The following ADAM23 variants were observed in gnomAD, a reference collection of about 807,000 sequenced individuals.
ADAM23 encodes disintegrin and metalloproteinase domain-containing protein 23.
A neutral mutation model predicts 120.1 loss-of-function variants in ADAM23; 33 were observed. The observed-to-expected ratio is 0.27, with a 90% CI of 0.21 to 0.37. ADAM23 has a LOEUF of 0.37. ADAM23 is among the 10% of genes least tolerant of loss of function. ADAM23 has a pLI of 1.00. For missense variants in ADAM23, 862 were observed against 1,058.2 expected (o/e 0.81, Z 2.57); for synonymous variants, 367 against 375.2 (o/e 0.98, Z 0.25).
At chr2:206,482,177 T>A (rs1386718720) in intron 3 of ADAM23, among the ~76,000 whole-genome samples, 1 of 152,218 alleles carries the variant, frequency 6.6e-6, no homozygotes, top group Non-Finnish European at 1.5e-5. Context: ...TATGCCAAAT[T>A]CTGTGAGCTC....
intron 3 of ADAM23, among the ~76,000 whole-genome samples, chr2:206,520,947 AG>A (rs2105790052): frequency 6.6e-6 from 1 of 151,090 alleles, no homozygotes; most frequent in East Asian, 1.9e-4. Flanking sequence ...TTCCCTGAAT[AG>A]GCCTCTTTGC....
Position 206,445,364 on chromosome 2 carries a change from A to G in ADAM23, c.272A>G (p.Asn91Ser), listed in dbSNP as rs1477028629. The G allele has an allele frequency of 1.9e-6, 3 of 1,614,062 alleles. No homozygotes were observed. Among genetic ancestry groups the G allele is most frequent in the Admixed American group, 1.7e-5 (1 of 60,000 alleles). Residue 91 changes from asparagine (N) to serine (S), a missense_variant, in exon 2 of 26, where the codon AAT (asparagine) becomes AGT (serine). By Grantham distance (46) the Asn-to-Ser change is conservative. Around this residue, in one of 4 missense-constraint regions of ADAM23, gnomAD observed 225 missense variants for 204.0 expected, o/e 1.10. Coordinates refer to ENST00000264377, the MANE Select transcript of ADAM23 (RefSeq NM_003812.4). ...KNLGVLADED[N>S]TLQQNSSSNI... is the part of the protein sequence containing the mutation. Reference sequence around the variant, plus strand: ...TTGGGAGTCCTGGCAGATGAAGACAATACATTGCAACAGAATAGCAGCAGT... The same window carrying G: ...TTGGGAGTCCTGGCAGATGAAGACAGTACATTGCAACAGAATAGCAGCAGT...
chr2:206,513,971 T>A (rs1037837192), intron 3 of ADAM23, among the ~76,000 whole-genome samples: 1 of 152,190 alleles, frequency 6.6e-6, no homozygotes, highest in African/African-American at 2.4e-5. Flanking sequence ...TGTTGAGACC[T>A]ATGGCACAGG....
rs189850084 is a variant in ADAM23 at position 206,488,845 on chromosome 2, G to C, written c.509+7537G>C. Among the ~76,000 whole-genome samples the C allele has an allele frequency of 3.2e-3, 484 of 152,268 alleles. 5 individuals are homozygous for C. The highest frequency in any genetic ancestry group is 0.011 in the African/African-American group (462 of 41,542). Reference sequence around the variant, plus strand: ...GAGAAAGACGCAGACTCCACAGGAAGTGGCAGGCAGAGGTGTGGAAGCCCA... The same window carrying C: ...GAGAAAGACGCAGACTCCACAGGAACTGGCAGGCAGAGGTGTGGAAGCCCA... On this transcript the variant is annotated intron_variant, in intron 3 of 25. Coordinates refer to ENST00000264377, the MANE Select transcript of ADAM23 (RefSeq NM_003812.4).
chr2:206,457,182 T>C (rs964826892), intron 2 of ADAM23, among the ~76,000 whole-genome samples: 3 of 152,238 alleles, frequency 2.0e-5, no homozygotes, highest in Non-Finnish European at 4.4e-5. Flanking sequence ...TATATTGCCT[T>C]TCTATGGAAC....
intron 3 of ADAM23, among the ~76,000 whole-genome samples, chr2:206,525,480 C>T: frequency 6.6e-6 from 1 of 152,188 alleles, no homozygotes; most frequent in Middle Eastern, 3.2e-3. Flanking sequence ...GCCCAAGGCC[C>T]AGTTAGCCAC....
At chr2:206,452,533 G>A (rs1463228283) in intron 2 of ADAM23, among the ~76,000 whole-genome samples, 2 of 152,190 alleles carry the variant, frequency 1.3e-5, no homozygotes, top group Non-Finnish European at 2.9e-5. Flanking sequence ...GAGGCCAGGT[G>A]CAGTGGCTCA....
chr2:206,517,489 G>A (rs1049861242), intron 3 of ADAM23, among the ~76,000 whole-genome samples: 1 of 152,082 alleles, frequency 6.6e-6, no homozygotes, highest in Non-Finnish European at 1.5e-5. Flanking sequence ...CTCTGTGTAG[G>A]CAGCTATACC....
At chr2:206,452,431 A>G (rs903168134) in intron 2 of ADAM23, among the ~76,000 whole-genome samples, 2 of 152,112 alleles carry the variant, frequency 1.3e-5, no homozygotes, top group Non-Finnish European at 2.9e-5. Flanking sequence ...CTATGTAACT[A>G]TTAGTGTCAT....
intron 24 of ADAM23, chr2:206,607,252 C>T (rs1345904386): frequency 6.6e-6 from 1 of 152,178 alleles, no homozygotes; most frequent in Non-Finnish European, 1.5e-5. Context: ...AAAACAAAGA[C>T]CATAACAGGG....
At chr2:206,566,484 TAACC>T (rs1473020429) in intron 14 of ADAM23, among the ~76,000 whole-genome samples, 3 of 96,836 alleles carry the variant, frequency 3.1e-5, no homozygotes, top group African/African-American at 1.6e-4. Context: ...TCAGTTTAAC[TAACC>T]ATGTGTATAA....
intron 2 of ADAM23, among the ~76,000 whole-genome samples, chr2:206,471,746 G>A (rs548174272): frequency 2.0e-5 from 3 of 152,166 alleles, no homozygotes; most frequent in South Asian, 2.1e-4. Context: ...AGGAATTGAC[G>A]AGGAAAAAGA....
chr2:206,481,686 G>A (rs563876049), intron 3 of ADAM23, among the ~76,000 whole-genome samples: 1 of 152,088 alleles, frequency 6.6e-6, no homozygotes, highest in Non-Finnish European at 1.5e-5. Flanking sequence ...AATGCAATTC[G>A]CATGACTTCT....
intron 4 of ADAM23, 54 bp downstream of exon 4, chr2:206,531,002 T>C: frequency 6.7e-7 from 1 of 1,482,186 alleles, no homozygotes; most frequent in East Asian, 2.3e-5. Context: ...TATCATAGAG[T>C]TGATCAGTGC....
At position 206,514,718 on chromosome 2, in the gene ADAM23, A is replaced by G. The variant is rs117268046; in HGVS notation, c.510-16167A>G. Among the ~76,000 whole-genome samples the G allele has an allele frequency of 2.8e-4, 43 of 152,300 alleles. No individual in the cohort carries two copies. In the East Asian group the frequency reaches 5.8e-3, roughly 20 times the overall value. The stretch of plus-strand genomic sequence containing the variant: ...GAAATCTTTCATGAAGAGTCAATCA[A>G]TGAGACAAACTTCATTGTTGTCTTA... On this transcript the variant is annotated intron_variant, in intron 3 of 25. Coordinates refer to ENST00000264377, the MANE Select transcript of ADAM23 (RefSeq NM_003812.4).
At chr2:206,541,242 T>TA (rs1346152544) in intron 4 of ADAM23, among the ~76,000 whole-genome samples, 2 of 151,636 alleles carry the variant, frequency 1.3e-5, no homozygotes, top group African/African-American at 4.8e-5. Context: ...AATAAATAAA[T>TA]AAATAAAAAT....
intron 20 of ADAM23, among the ~76,000 whole-genome samples, chr2:206,588,698 A>G (rs1327891626): frequency 1.3e-5 from 2 of 152,230 alleles, no homozygotes; most frequent in East Asian, 1.9e-4. Context: ...TGACATTTAC[A>G]GTGCCTCTCC....
At chr2:206,582,715 T>G (rs975579407) in intron 18 of ADAM23, among the ~76,000 whole-genome samples, 2 of 152,254 alleles carry the variant, frequency 1.3e-5, no homozygotes, top group African/African-American at 2.4e-5. Flanking sequence ...TTTCAAGATT[T>G]AGAGCTCCTT....
intron 25 of ADAM23, among the ~76,000 whole-genome samples, chr2:206,611,096 T>A (rs1161008273): frequency 1.3e-5 from 2 of 152,214 alleles, no homozygotes; most frequent in African/African-American, 4.8e-5. Flanking sequence ...AGAAGCTGAT[T>A]AAAGAAACCA....
Sources: allele counts gnomAD v4.1 joint callset (sites outside exome capture counted in the v4.1 genomes callset), GRCh38; gene constraint gnomAD v4.1.1; regional missense constraint gnomAD v4.1.1; transcripts MANE v1.5; gene names NCBI Gene and HGNC (gene_info 2026-07-23, HGNC 2026-07-21).